SGCZ: variants seen among roughly 807,000 people sequenced by gnomAD.
SGCZ encodes the protein zeta-sarcoglycan.
A neutral mutation model predicts 41.3 loss-of-function variants in SGCZ; 40 were observed. That is an observed-to-expected ratio of 0.97 (90% CI 0.75 to 1.26). SGCZ has a LOEUF of 1.26. SGCZ is among the 50% of genes most tolerant of loss of function. The probability of loss-of-function intolerance (pLI) is 0.00; values close to 1 mark genes in which losing one functional copy is unlikely to be tolerated. For synonymous variants in SGCZ, 206 were observed against 137.5 expected (o/e 1.50, Z -3.49); for missense variants, 552 against 369.8 (o/e 1.49, Z -4.04).
intron 1 of SGCZ, among the ~76,000 whole-genome samples, chr8:15,113,133 C>G (rs1807134117): frequency 6.6e-6 from 1 of 150,426 alleles, no homozygotes; most frequent in African/African-American, 2.5e-5. Context: ...CGCTTGAGTC[C>G]AGGAGGTCGA....
intron 2 of SGCZ, among the ~76,000 whole-genome samples, chr8:14,547,794 T>C (rs1178706311): frequency 6.6e-6 from 1 of 152,170 alleles, no homozygotes. Flanking sequence ...TCAGGCTATT[T>C]GCCTCCAAAG....
chr8:14,497,114 A>G (rs1043980308), intron 2 of SGCZ, among the ~76,000 whole-genome samples: 2 of 152,148 alleles, frequency 1.3e-5, no homozygotes, highest in African/African-American at 4.8e-5. Flanking sequence ...ACGCGTCACA[A>G]TCTGTCAGGG....
intron 2 of SGCZ, among the ~76,000 whole-genome samples, chr8:14,499,585 C>G (rs778577664): frequency 5.9e-5 from 9 of 152,002 alleles, no homozygotes; most frequent in Non-Finnish European, 8.8e-5. Flanking sequence ...ACTGTATTTT[C>G]AAGCTAGGCA....
chr8:14,951,037 G>C (rs1293509978), intron 1 of SGCZ, among the ~76,000 whole-genome samples: 1 of 152,006 alleles, frequency 6.6e-6, no homozygotes, highest in Admixed American at 6.6e-5. Context: ...AGCATCAACA[G>C]TGTGGAGAAA....
rs76821559 is a variant in SGCZ at position 14,876,335 on chromosome 8, C to T, written c.40-321409G>A. Among the ~76,000 whole-genome samples, 708 of 152,188 alleles carry T rather than the reference C, an allele frequency of 4.7e-3. 7 individuals carry two copies. Among genetic ancestry groups the T allele is most frequent in the East Asian group, 0.024 (124 of 5,170 alleles). On this transcript the variant is annotated intron_variant, in intron 1 of 7. Coordinates refer to ENST00000382080, the MANE Select transcript of SGCZ (RefSeq NM_139167.4). ...ACAACATAGCATTACAAAACTGAAA[C>T]GATGCAGGTAAAGCTGTGCATAAGA... is the stretch of plus-strand genomic sequence containing the variant.
intron 1 of SGCZ, among the ~76,000 whole-genome samples, chr8:15,184,630 CTG>C (rs1179133118): frequency 2.0e-5 from 3 of 152,088 alleles, no homozygotes; most frequent in Non-Finnish European, 4.4e-5. Flanking sequence ...CAGCAGGAAA[CTG>C]AGAGGTGAGG....
chr8:14,697,359 G>C (rs1326786311), intron 1 of SGCZ, among the ~76,000 whole-genome samples: 4 of 152,074 alleles, frequency 2.6e-5, no homozygotes, highest in South Asian at 2.1e-4. Context: ...TTGTTGAGGG[G>C]ATTAAATGAA....
Position 14,167,772 on chromosome 8 carries a change from C to T in SGCZ, c.425-3070G>A, listed in dbSNP as rs541527360. On this transcript the variant is annotated intron_variant, in intron 4 of 7. Coordinates refer to ENST00000382080, the MANE Select transcript of SGCZ (RefSeq NM_139167.4). ...AATTTCTTGCTTCTCTCAGAGATGG[C>T]TCCATCACTTTTTTTGAACATTCAC... 2.1e-3 allele frequency among the ~76,000 whole-genome samples: 314 copies of T among 152,286 alleles called. 2 individuals carry two copies. Among genetic ancestry groups the T allele is most frequent in the African/African-American group, 7.0e-3 (293 of 41,580 alleles).
chr8:14,437,307 TAATA>T (rs1408873189), intron 2 of SGCZ, among the ~76,000 whole-genome samples: 5 of 152,168 alleles, frequency 3.3e-5, no homozygotes, highest in African/African-American at 1.2e-4. Context: ...AAGAAAACTT[TAATA>T]AATTACCACT....
intron 1 of SGCZ, among the ~76,000 whole-genome samples, chr8:14,708,770 T>C (rs1007496495): frequency 1.3e-5 from 2 of 151,856 alleles, no homozygotes; most frequent in East Asian, 3.9e-4. Flanking sequence ...TTCTATATGA[T>C]ATGGCTTCAG....
chr8:14,992,538 A>T (rs1013885967), intron 1 of SGCZ, among the ~76,000 whole-genome samples: 5 of 147,864 alleles, frequency 3.4e-5, no homozygotes, highest in African/African-American at 1.3e-4. Context: ...ATTCAACTCC[A>T]AAACTAATGT....
rs550670522 is a variant in SGCZ at position 14,109,972 on chromosome 8, C to A, written c.548-1737G>T. 2.0e-3 allele frequency among the ~76,000 whole-genome samples: 302 copies of A among 152,190 alleles called. 1 individual carries two copies. The highest frequency in any genetic ancestry group is 7.1e-3 in the African/African-American group (293 of 41,534). On this transcript the variant is annotated intron_variant, in intron 5 of 7. Coordinates refer to ENST00000382080, the MANE Select transcript of SGCZ (RefSeq NM_139167.4). Reference sequence around the variant, plus strand: ...CTCTCTTCTCTCTCTCTCTGTCGCTCCTGAGACTCTGTAGGACATATGGTC... The same window carrying A: ...CTCTCTTCTCTCTCTCTCTGTCGCTACTGAGACTCTGTAGGACATATGGTC...
chr8:14,775,143 CTT>C (rs1800361953), intron 1 of SGCZ, among the ~76,000 whole-genome samples: 1 of 152,144 alleles, frequency 6.6e-6, no homozygotes, highest in African/African-American at 2.4e-5. Context: ...TCAGCTAGGT[CTT>C]ATGCCTCTCA....
At chr8:14,683,378 G>C (rs1162590630) in intron 1 of SGCZ, among the ~76,000 whole-genome samples, 1 of 151,638 alleles carries the variant, frequency 6.6e-6, no homozygotes, top group East Asian at 1.9e-4. Context: ...AAAACATTCA[G>C]AAGCAATATA....
intron 2 of SGCZ, among the ~76,000 whole-genome samples, chr8:14,375,482 G>T (rs1017490596): frequency 3.9e-5 from 6 of 152,006 alleles, no homozygotes; most frequent in African/African-American, 1.4e-4. Flanking sequence ...AATATATTAG[G>T]TCACAAAGAA....
At chr8:14,545,834 C>G (rs144677923) in intron 2 of SGCZ, among the ~76,000 whole-genome samples, 3 of 152,118 alleles carry the variant, frequency 2.0e-5, no homozygotes, top group Non-Finnish European at 4.4e-5. Flanking sequence ...TTCTTTTTCT[C>G]TGGCAACATT....
intron 3 of SGCZ, among the ~76,000 whole-genome samples, chr8:14,247,328 C>G (rs1476673104): frequency 1.3e-5 from 2 of 152,134 alleles, no homozygotes; most frequent in Non-Finnish European, 2.9e-5. Flanking sequence ...CATCCTGAAG[C>G]TCTCTTTCTC....
chr8:14,748,738 G>C (rs148610074), intron 1 of SGCZ, among the ~76,000 whole-genome samples: 164 of 149,332 alleles, frequency 1.1e-3, no homozygotes, highest in African/African-American at 3.8e-3. Flanking sequence ...TCAAAATAGT[G>C]CATGTTGAAC....
At chr8:15,031,100 G>A (rs752539385) in intron 1 of SGCZ, among the ~76,000 whole-genome samples, 14 of 151,954 alleles carry the variant, frequency 9.2e-5, no homozygotes, top group Non-Finnish European at 2.1e-4. Flanking sequence ...CTCACTTAAA[G>A]TATTAGAACA....
Sources: gnomAD v4.1 joint callset for allele counts (sites outside exome capture counted in the v4.1 genomes callset) on GRCh38, gnomAD v4.1.1 for gene constraint, MANE v1.5 for transcripts, NCBI Gene and HGNC (gene_info 2026-07-23, HGNC 2026-07-21) for gene names.